Variants in TMEM45B observed in about 807,000 individuals in gnomAD.
TMEM45B encodes the protein transmembrane protein 45B.
In TMEM45B, 29 loss-of-function variants were observed where a neutral mutation model predicts 27.3. That is an observed-to-expected ratio of 1.06 (90% CI 0.79 to 1.45). The LOEUF (loss-of-function observed/expected upper bound fraction) is 1.45, where lower values mean the gene tolerates loss of function less well. TMEM45B is among the 40% of genes most tolerant of loss of function. TMEM45B has a pLI of 0.00. For missense variants in TMEM45B, 348 were observed against 343.9 expected, an observed-to-expected ratio of 1.01 and a Z score of -0.09; for synonymous variants, 143 against 134.7, an observed-to-expected ratio of 1.06 and a Z score of -0.43.
At chr11:129,845,840 C>T (rs6590425) in intron 1 of TMEM45B, among the ~76,000 whole-genome samples, 2,867 of 152,080 alleles carry the variant, frequency 0.019, 89 homozygotes, top group African/African-American at 0.063. Flanking sequence ...AAATGGCATC[C>T]AAGAAACAGG....
intron 1 of TMEM45B, among the ~76,000 whole-genome samples, chr11:129,823,324 A>T (rs1003236218): frequency 6.6e-6 from 1 of 152,110 alleles, no homozygotes; most frequent in African/African-American, 2.4e-5. Flanking sequence ...AACAGATACT[A>T]CGTTTGATAG....
chr11:129,826,058 T>A (rs1349211928), intron 1 of TMEM45B, among the ~76,000 whole-genome samples: 1 of 151,954 alleles, frequency 6.6e-6, no homozygotes, highest in Non-Finnish European at 1.5e-5. Context: ...CACTCTAATG[T>A]ATGCTGAGGT....
At chr11:129,822,263 T>A (rs745616213) in intron 1 of TMEM45B, among the ~76,000 whole-genome samples, 3 of 152,214 alleles carry the variant, frequency 2.0e-5, no homozygotes, top group Non-Finnish European at 4.4e-5. Flanking sequence ...GCATATTAAC[T>A]CAGTACTTTT....
At chr11:129,823,107 G>A (rs1211086676) in intron 1 of TMEM45B, among the ~76,000 whole-genome samples, 2 of 152,054 alleles carry the variant, frequency 1.3e-5, no homozygotes, top group Admixed American at 1.3e-4. Flanking sequence ...CCAAAGTGCT[G>A]GGATTACAGG....
intron 1 of TMEM45B, among the ~76,000 whole-genome samples, chr11:129,825,892 G>C (rs1198384088): frequency 6.6e-6 from 1 of 152,118 alleles, no homozygotes; most frequent in Non-Finnish European, 1.5e-5. Context: ...TATTTTCCTT[G>C]AGCGCCCAGA....
At position 129,815,850 on chromosome 11, in the gene TMEM45B, A is replaced by G. The variant is rs567354079; in HGVS notation, c.-57A>G. ...GCTGCACCTGCTTCTGGGCGGACGC[A>G]CTTGGCGCGCGGCGCGGGCTGCAGA... On this transcript the variant is annotated 5_prime_UTR_variant, in exon 1 of 6. Transcript: ENST00000281441. 526 of 1,310,398 alleles carry G rather than the reference A, an allele frequency of 4.0e-4. 3 individuals carry two copies. In the African/African-American group the frequency reaches 7.5e-3, roughly 19 times the overall value. The allele number at this position is 1,310,398 out of a possible 1,614,324, so 81.2% of individuals were successfully genotyped here.
intron 1 of TMEM45B, among the ~76,000 whole-genome samples, chr11:129,841,598 T>G (rs535325674): frequency 7.5e-5 from 11 of 145,848 alleles, no homozygotes; most frequent in South Asian, 4.4e-4. Context: ...TTTTGTTTTT[T>G]TTTTTTTTTT....
rs10628378 is a variant in TMEM45B at position 129,845,337 on chromosome 11, A to ATGTGTG, written c.-8-7112_-8-7107dup. 4.1e-3 allele frequency among the ~76,000 whole-genome samples: 497 copies of ATGTGTG among 121,522 alleles called. 5 individuals are homozygous for ATGTGTG. The highest frequency in any genetic ancestry group is 8.0e-3 in the East Asian group (35 of 4,354). The allele number at this position is 121,522 out of a possible 152,430, so 79.7% of individuals were successfully genotyped here. The stretch of plus-strand genomic sequence containing the variant: ...GGGGTAGGAAATAGAGCTATTATAG[A>ATGTGTG]TGTGTGTGTGTGTGTGTGTGTGTGT... On this transcript the variant is annotated intron_variant, in intron 1 of 5. Coordinates refer to ENST00000281441, the MANE Select transcript of TMEM45B (RefSeq NM_138788.5).
chr11:129,858,287 AG>A (rs1472092153), intron 5 of TMEM45B, among the ~76,000 whole-genome samples: 2 of 152,172 alleles, frequency 1.3e-5, no homozygotes, highest in Non-Finnish European at 2.9e-5. Flanking sequence ...CGGACCAAAG[AG>A]AAGGGAGCTC....
At position 129,826,548 on chromosome 11, in the gene TMEM45B, C is replaced by CACA. The variant is rs765482228; in HGVS notation, c.-9+10651_-9+10652insCAA. Among the ~76,000 whole-genome samples, 103 of 17,830 alleles carry CACA rather than the reference C, an allele frequency of 5.8e-3. 2 individuals are homozygous for CACA. The highest frequency in any genetic ancestry group is 0.013 in the African/African-American group (63 of 4,964). The allele number at this position is 17,830 out of a possible 152,430, so 11.7% of individuals were successfully genotyped here. ...TGGGGGACACAGCAAGACTCTGTCA[C>CACA]AAAAAAAAAAAAAAAAAAAAGGACC... is the stretch of plus-strand genomic sequence containing the variant. On this transcript the variant is annotated intron_variant, in intron 1 of 5. Transcript: ENST00000281441.
chr11:129,851,543 C>CAAAAAAAAAAAAAAAAAAAAAAA (rs71057982), intron 1 of TMEM45B, among the ~76,000 whole-genome samples: 3 of 54,952 alleles, frequency 5.5e-5, no homozygotes, highest in African/African-American at 7.0e-5. Context: ...AACTCTGCCT[C>CAAAAAAAAAAAAAAAAAAAAAAA]AAAAAAAAAA....
intron 1 of TMEM45B, among the ~76,000 whole-genome samples, chr11:129,826,011 A>T (rs1947474033): frequency 6.6e-6 from 1 of 151,490 alleles, no homozygotes; most frequent in South Asian, 2.1e-4. Flanking sequence ...GGTTGTTTGA[A>T]AACTAAACCC....
chr11:129,846,276 TG>T (rs771101308), intron 1 of TMEM45B, among the ~76,000 whole-genome samples: 7 of 152,172 alleles, frequency 4.6e-5, no homozygotes, highest in Non-Finnish European at 1.0e-4. Context: ...AAGACCAGCC[TG>T]GTCAACATGG....
chr11:129,816,028 G>A (rs1370687703), intron 1 of TMEM45B, 130 bp downstream of exon 1: 1 of 1,216,400 alleles, frequency 8.2e-7, no homozygotes, highest in Non-Finnish European at 1.0e-6. Context: ...GGGAGGGGAC[G>A]CGGACAGGGA....
At chr11:129,839,122 G>A (rs1337873754) in intron 1 of TMEM45B, among the ~76,000 whole-genome samples, 5 of 152,066 alleles carry the variant, frequency 3.3e-5, no homozygotes, top group South Asian at 2.1e-4. Flanking sequence ...ATGAGAGAGC[G>A]AGAGAAGGAA....
chr11:129,820,611 A>G (rs1947407569), intron 1 of TMEM45B, among the ~76,000 whole-genome samples: 1 of 152,170 alleles, frequency 6.6e-6, no homozygotes, highest in Non-Finnish European at 1.5e-5. Flanking sequence ...CGGGCACGCC[A>G]GGTCATCTGA....
intron 2 of TMEM45B, among the ~76,000 whole-genome samples, chr11:129,853,291 G>A (rs1349033572): frequency 6.6e-6 from 1 of 152,254 alleles, no homozygotes; most frequent in Non-Finnish European, 1.5e-5. Context: ...AGTGATGACA[G>A]TAACAAGTGT....
At chr11:129,829,786 AT>A (rs1390367695) in intron 1 of TMEM45B, among the ~76,000 whole-genome samples, 1 of 152,202 alleles carries the variant, frequency 6.6e-6, no homozygotes, top group Non-Finnish European at 1.5e-5. Context: ...CTAGTAAAGT[AT>A]TTTTATATGA....
chr11:129,826,674 G>C (rs1947487076), intron 1 of TMEM45B, among the ~76,000 whole-genome samples: 1 of 151,110 alleles, frequency 6.6e-6, no homozygotes, highest in South Asian at 2.1e-4. Flanking sequence ...GTTCTTGTTA[G>C]ATAGTGAGAA....
Sources: gnomAD v4.1 joint callset for allele counts (sites outside exome capture counted in the v4.1 genomes callset) on GRCh38, gnomAD v4.1.1 for gene constraint, MANE v1.5 for transcripts, NCBI Gene and HGNC (gene_info 2026-07-23, HGNC 2026-07-21) for gene names.